H6PD: variants seen among roughly 807,000 people sequenced by gnomAD.
H6PD encodes the protein GDH/6PGL endoplasmic bifunctional protein.
A neutral mutation model predicts 61.2 loss-of-function variants in H6PD; 48 were observed. That is an observed-to-expected ratio of 0.78 (90% CI 0.62 to 1.00). H6PD has a LOEUF of 1.00. Ranked by LOEUF, H6PD falls within the 50% of genes least tolerant of loss-of-function variation. The pLI is 0.00. For missense variants in H6PD, 1,093 were observed against 1,065.0 expected (o/e 1.03, Z -0.37); for synonymous variants, 480 against 457.9 (o/e 1.05, Z -0.62).
rs1466787544 is a variant in H6PD at position 9,239,930 on chromosome 1, G to A, written c.-11+4864G>A. 1.1e-5 allele frequency: 13 copies of A among 1,149,628 alleles called. No individual in the cohort carries two copies. In the East Asian group the frequency reaches 2.6e-4, roughly 23 times the overall value. 71.2% of individuals were successfully genotyped at this position (1,149,628 alleles called of 1,614,324 possible). A position where few individuals can be genotyped will look rare whatever the true frequency, so the allele number is the denominator to read the frequency against. On this transcript the variant is annotated intron_variant, in intron 1 of 4. Coordinates refer to ENST00000377403, the MANE Select transcript of H6PD (RefSeq NM_004285.4). The stretch of plus-strand genomic sequence containing the variant: ...ATGGGGACAGCTGCACGCCTCTTCC[G>A]CTTGTGTGAGAACAAAGGCCGGAAC...
Position 9,262,330 on chromosome 1 carries a change from T to G in H6PD, c.1015+2T>G. ...ACAGCCTGACGCCGACCTTCGCAGG[T>G]GGGCCCTGGGGCTGGGCATGGGGCA... is the stretch of plus-strand genomic sequence containing the variant. On this transcript the variant is annotated splice_donor_variant, in intron 4 of 4. Transcript: ENST00000377403. LOFTEE classifies it high-confidence loss of function. The G allele has an allele frequency of 6.3e-7, 1 of 1,598,658 alleles. No homozygotes were observed. The highest frequency in any genetic ancestry group is 8.5e-7 in the Non-Finnish European group (1 of 1,172,812).
chr1:9,257,519 C>T (rs1010230762), intron 3 of H6PD, among the ~76,000 whole-genome samples: 2 of 152,134 alleles, frequency 1.3e-5, no homozygotes, highest in South Asian at 2.1e-4. Context: ...GAGGTTTATC[C>T]GTGACAATGT....
chr1:9,236,078 C>G (rs572724701), intron 1 of H6PD, among the ~76,000 whole-genome samples: 1 of 152,002 alleles, frequency 6.6e-6, no homozygotes, highest in East Asian at 1.9e-4. Flanking sequence ...CAACCTTCTC[C>G]TCCTGGTTCA....
In H6PD at chr1:9,245,745, T is replaced by C. The variant is rs555228403; in HGVS notation, c.627+184T>C. On this transcript the variant is annotated intron_variant, in intron 2 of 4. Transcript: ENST00000377403. This position sits in a 1 kb window ranked among gnomAD's most constrained non-coding sequence, Gnocchi z 4.8. ...AGGAAAGACAGCAGCAGGGCAGGAC[T>C]GTTGGGTCCTTGTCCATGTGTCTGG... 1.3e-5 allele frequency among the ~76,000 whole-genome samples: 2 copies of C among 152,282 alleles called. No individual in the cohort carries two copies. The highest frequency in any genetic ancestry group is 3.9e-4 in the East Asian group (2 of 5,174).
In H6PD at chr1:9,264,943, G is replaced by A. The variant is rs1251632237; in HGVS notation, c.*74G>A. The A allele has an allele frequency of 2.0e-5, 31 of 1,526,418 alleles. No individual in the cohort carries two copies. The highest frequency in any genetic ancestry group is 9.1e-5 in the East Asian group (4 of 43,988). The allele number at this position is 1,526,418 out of a possible 1,614,324, so 94.6% of individuals were successfully genotyped here. On this transcript the variant is annotated 3_prime_UTR_variant, in exon 5 of 5. Coordinates refer to ENST00000377403, the MANE Select transcript of H6PD (RefSeq NM_004285.4). Reference sequence around the variant, plus strand: ...GTGTCTTCCCTCCCTTCTCGGCCCCGCCACCTGCCCAGCGTGCCCTGGCTC... The same window carrying A: ...GTGTCTTCCCTCCCTTCTCGGCCCCACCACCTGCCCAGCGTGCCCTGGCTC...
rs1308050715 is a variant in H6PD at position 9,262,144 on chromosome 1, G to A, written c.831G>A (p.Met277Ile). The A allele has an allele frequency of 6.2e-7, 1 of 1,614,238 alleles. No individual in the cohort carries two copies. The highest frequency in any genetic ancestry group is 2.2e-5 in the East Asian group (1 of 44,890). Residue 277 changes from methionine to isoleucine, a missense_variant, in exon 4 of 5, where the codon ATG (methionine) becomes ATA (isoleucine). Transcript: ENST00000377403. ...CGGAGGTCCTCACCCTCGTGGCCAT[G>A]GAGCTGCCCCACAATGTCAGCAGTG... ...HLTEVLTLVAMELPHNVSSAE... is the reference protein window; with the variant it reads ...HLTEVLTLVAIELPHNVSSAE...
rs1638661011 is a variant in H6PD at position 9,268,994 on chromosome 1, T to A, written c.*4125T>A. Reference sequence around the variant, plus strand: ...CAGCCTCTGCCTCCACTTTACCAGCTACGTTTTTATCTTAAGCACATGGGG... The same window carrying A: ...CAGCCTCTGCCTCCACTTTACCAGCAACGTTTTTATCTTAAGCACATGGGG... On this transcript the variant is annotated 3_prime_UTR_variant, in exon 5 of 5. Coordinates refer to ENST00000377403, the MANE Select transcript of H6PD (RefSeq NM_004285.4). 6.6e-6 allele frequency: 1 copy of A among 152,090 alleles called. No homozygotes were observed. Among genetic ancestry groups the A allele is most frequent in the Non-Finnish European group, 1.5e-5 (1 of 68,038 alleles). 9.4% of individuals were successfully genotyped at this position (152,090 alleles called of 1,614,324 possible). A position where few individuals can be genotyped will look rare whatever the true frequency, so the allele number is the denominator to read the frequency against.
intron 1 of H6PD, among the ~76,000 whole-genome samples, chr1:9,238,205 A>G (rs1640903508): frequency 6.6e-6 from 1 of 152,194 alleles, no homozygotes; most frequent in African/African-American, 2.4e-5. Context: ...GGCGGAGAGA[A>G]CAAGTGCAAA....
chr1:9,249,888 C>A (rs1023448788), intron 3 of H6PD, among the ~76,000 whole-genome samples: 2 of 152,234 alleles, frequency 1.3e-5, no homozygotes, highest in African/African-American at 4.8e-5. Flanking sequence ...GGGCCTTGGA[C>A]ACAGGGTGCT....
Position 9,264,258 on chromosome 1 carries a change from C to A in H6PD, c.1765C>A (p.Leu589Met). The change falls in exon 5 of 5, where the codon CTG (leucine) becomes ATG (methionine). Residue 589 changes from leucine (L) to methionine (M), a missense_variant. Leu to Met is a conservative substitution (Grantham distance 15). Coordinates refer to ENST00000377403, the MANE Select transcript of H6PD (RefSeq NM_004285.4). ...GCGCTTTGGCCAGTTCCACCTGGCA[C>A]TGTCGGGGGGCTCGAGCCCCGTGGC... Reference protein sequence around the residue: ...VRRFGQFHLALSGGSSPVALF... With the variant: ...VRRFGQFHLAMSGGSSPVALF... 1 of 1,610,054 alleles carries A rather than the reference C, an allele frequency of 6.2e-7. No homozygotes were observed. Among genetic ancestry groups the A allele is most frequent in the Non-Finnish European group, 8.5e-7 (1 of 1,179,264 alleles).
rs1482135997 is a variant in H6PD, at chr1:9,269,473, C to T, written c.*4604C>T. 6.6e-6 allele frequency: 1 copy of T among 152,282 alleles called. No homozygotes were observed. The highest frequency in any genetic ancestry group is 1.5e-5 in the Non-Finnish European group (1 of 68,068). 9.4% of individuals were successfully genotyped at this position (152,282 alleles called of 1,614,324 possible). On this transcript the variant is annotated 3_prime_UTR_variant, in exon 5 of 5. Transcript: ENST00000377403. This position sits in a 1 kb window ranked among gnomAD's most constrained non-coding sequence, Gnocchi z 4.3. ...CCACTCTGCCCTCGGGGGCTCCAAGCATTGTAACTCAGTCATGGGAGCTGC... is the reference window on the plus strand; with the variant it reads ...CCACTCTGCCCTCGGGGGCTCCAAGTATTGTAACTCAGTCATGGGAGCTGC...
In H6PD at chr1:9,262,128, T is replaced by C. The variant is rs764279620; in HGVS notation, c.815T>C (p.Leu272Pro). 3 of 1,614,204 alleles carry C rather than the reference T, an allele frequency of 1.9e-6. No homozygotes were observed. The highest frequency in any genetic ancestry group is 1.1e-5 in the South Asian group (1 of 91,090). ...DVLQNHLTEVLTLVAMELPHN... is the reference protein window; with the variant it reads ...DVLQNHLTEVPTLVAMELPHN... ...CTCCAGAACCATCTGACGGAGGTCC[T>C]CACCCTCGTGGCCATGGAGCTGCCC... Residue 272 changes from leucine to proline, a missense_variant, in exon 4 of 5, where the codon CTC becomes CCC. Coordinates refer to ENST00000377403, the MANE Select transcript of H6PD (RefSeq NM_004285.4).
At chr1:9,238,872 A>C (rs185453221) in intron 1 of H6PD, among the ~76,000 whole-genome samples, 98 of 152,272 alleles carry the variant, frequency 6.4e-4, no homozygotes, top group African/African-American at 2.3e-3. Flanking sequence ...GCCTTTGCCT[A>C]TATCTGTGGT....
At chr1:9,241,695 T>C (rs561889685) in intron 1 of H6PD, among the ~76,000 whole-genome samples, 1 of 152,358 alleles carries the variant, frequency 6.6e-6, no homozygotes, top group African/African-American at 2.4e-5. Context: ...CCACTGTGCC[T>C]GGCCTAATTA....
At chr1:9,260,049 G>C (rs1641670571) in intron 3 of H6PD, among the ~76,000 whole-genome samples, 1 of 151,870 alleles carries the variant, frequency 6.6e-6, no homozygotes, top group African/African-American at 2.4e-5. Flanking sequence ...CTGTTATGCT[G>C]GTGTTATGTT....
In H6PD at chr1:9,264,940, C is replaced by T; in HGVS notation, c.*71C>T. 6.5e-7 allele frequency: 1 copy of T among 1,539,678 alleles called. No individual in the cohort carries two copies. ...CCCGTGTCTTCCCTCCCTTCTCGGC[C>T]CCGCCACCTGCCCAGCGTGCCCTGG... On this transcript the variant is annotated 3_prime_UTR_variant, in exon 5 of 5. Coordinates refer to ENST00000377403, the MANE Select transcript of H6PD (RefSeq NM_004285.4).
At chr1:9,260,363 G>A (rs571964136) in intron 3 of H6PD, among the ~76,000 whole-genome samples, 154 of 151,594 alleles carry the variant, frequency 1.0e-3, no homozygotes, top group African/African-American at 3.3e-3. Flanking sequence ...CACTGGTGTT[G>A]CATTGTTGTT....
In H6PD at chr1:9,264,363, G is replaced by C. The variant is rs371828494; in HGVS notation, c.1870G>C (p.Val624Leu). The change falls in exon 5 of 5, where the codon GTC becomes CTC. Residue 624 changes from valine (V) to leucine (L), a missense_variant. Coordinates refer to ENST00000377403, the MANE Select transcript of H6PD (RefSeq NM_004285.4). Reference protein sequence around the residue: ...THLWLVDERCVPLSDPESNFQ... With the variant: ...THLWLVDERCLPLSDPESNFQ... ...CCTGTGGCTGGTTGACGAGCGCTGCGTCCCACTCTCAGACCCGGAGTCCAA... is the reference window on the plus strand; with the variant it reads ...CCTGTGGCTGGTTGACGAGCGCTGCCTCCCACTCTCAGACCCGGAGTCCAA... 1.2e-6 allele frequency: 2 copies of C among 1,612,732 alleles called. No homozygotes were observed. The highest frequency in any genetic ancestry group is 8.5e-7 in the Non-Finnish European group (1 of 1,179,934).
Position 9,264,392 on chromosome 1 carries a change from C to T in H6PD, c.1899C>T (p.Phe633=), listed in dbSNP as rs754029631. 1.9e-6 allele frequency: 3 copies of T among 1,613,060 alleles called. No individual in the cohort carries two copies. Among genetic ancestry groups the T allele is most frequent in the East Asian group, 2.2e-5 (1 of 44,870 alleles). ...CACTCTCAGACCCGGAGTCCAACTT[C>T]CAGGGCCTGCAGGCCCACCTGCTGC... ...CVPLSDPESN[F]QGLQAHLLQH... Residue 633 remains phenylalanine, a synonymous_variant, in exon 5 of 5, where the codon TTC becomes TTT. Coordinates refer to ENST00000377403, the MANE Select transcript of H6PD (RefSeq NM_004285.4).
Sources: allele counts gnomAD v4.1 joint callset (sites outside exome capture counted in the v4.1 genomes callset), GRCh38; gene constraint gnomAD v4.1.1; non-coding constraint Gnocchi (gnomAD v3.1); transcripts MANE v1.5; gene names NCBI Gene and HGNC (gene_info 2026-07-23, HGNC 2026-07-21).